Variants in RBMS3 observed in about 807,000 individuals in gnomAD.
RBMS3 encodes the protein RNA binding motif single stranded interacting protein 3.
Under a neutral mutation model 66.8 loss-of-function variants are expected in RBMS3, and 27 were observed. The ratio of observed to expected loss-of-function variants is 0.40; its 90% CI spans 0.30 to 0.56. RBMS3 has a LOEUF of 0.56. Among genes scored for constraint, RBMS3 ranks in the 20% least tolerant of loss-of-function variants. The pLI is 0.40. For synonymous variants in RBMS3, 188 were observed against 183.0 expected (o/e 1.03, Z -0.22); for missense variants, 513 against 549.5 (o/e 0.93, Z 0.66).
intron 10 of RBMS3, among the ~76,000 whole-genome samples, chr3:29,904,667 T>G (rs147208028): frequency 1.3e-5 from 2 of 152,162 alleles, no homozygotes; most frequent in African/African-American, 4.8e-5. Flanking sequence ...TATTTTCAAA[T>G]TGCCTTTTAG....
chr3:29,364,678 A>G (rs1041309500), intron 1 of RBMS3, among the ~76,000 whole-genome samples: 21 of 152,174 alleles, frequency 1.4e-4, no homozygotes, highest in African/African-American at 5.1e-4. Flanking sequence ...GGAGTAGCCC[A>G]ATCTCGGCAG....
At chr3:29,650,977 T>C (rs1007923419) in intron 4 of RBMS3, among the ~76,000 whole-genome samples, 3 of 152,344 alleles carry the variant, frequency 2.0e-5, no homozygotes, top group Admixed American at 6.5e-5. Context: ...CTTTATATGT[T>C]TCTATACCCC....
At chr3:29,496,307 A>C (rs1282968682) in intron 3 of RBMS3, among the ~76,000 whole-genome samples, 1 of 151,760 alleles carries the variant, frequency 6.6e-6, no homozygotes, top group African/African-American at 2.4e-5. Context: ...TTTTTTGTGA[A>C]TTTTACTCTA....
Position 29,670,204 on chromosome 3 carries a change from C to T in RBMS3, c.400-69516C>T, listed in dbSNP as rs114046894. Among the ~76,000 whole-genome samples, 1,349 of 152,280 alleles carry T rather than the reference C, an allele frequency of 8.9e-3. 19 individuals carry two copies. Among genetic ancestry groups the T allele is most frequent in the Middle Eastern group, 0.027 (8 of 294 alleles). On this transcript the variant is annotated intron_variant, in intron 4 of 14. Transcript: ENST00000383767. ...GGCGTTCTCCCAAAATTCATGTGTTCCTTCCCCCATCTATAAATCTGACCT... is the reference window on the plus strand; with the variant it reads ...GGCGTTCTCCCAAAATTCATGTGTTTCTTCCCCCATCTATAAATCTGACCT...
intron 1 of RBMS3, among the ~76,000 whole-genome samples, chr3:29,392,425 T>G (rs183714588): frequency 6.6e-6 from 1 of 152,210 alleles, no homozygotes; most frequent in Non-Finnish European, 1.5e-5. Flanking sequence ...GAGAGTAGAC[T>G]TTCTTTTTTT....
intron 6 of RBMS3, among the ~76,000 whole-genome samples, chr3:29,813,023 C>G (rs899097569): frequency 6.6e-6 from 1 of 151,896 alleles, no homozygotes; most frequent in Non-Finnish European, 1.5e-5. Context: ...GTATCATGAA[C>G]TTCTTTACAT....
intron 4 of RBMS3, among the ~76,000 whole-genome samples, chr3:29,677,198 A>G (rs61646181): frequency 0.11 from 17,348 of 152,130 alleles, 2,141 homozygotes; most frequent in African/African-American, 0.31. Context: ...CCTCCCACCA[A>G]GCCCCACCTC....
At chr3:29,762,065 T>A (rs1179770955) in intron 5 of RBMS3, among the ~76,000 whole-genome samples, 1 of 152,298 alleles carries the variant, frequency 6.6e-6, no homozygotes, top group East Asian at 1.9e-4. Context: ...TATGGTAACA[T>A]TGCCAAAATT....
At chr3:29,506,032 T>G (rs1394519273) in intron 3 of RBMS3, among the ~76,000 whole-genome samples, 2 of 151,932 alleles carry the variant, frequency 1.3e-5, no homozygotes, top group East Asian at 3.9e-4. Flanking sequence ...CAAGGATAAT[T>G]TAACTTCTTC....
intron 12 of RBMS3, among the ~76,000 whole-genome samples, chr3:29,977,887 C>A (rs955002189): frequency 6.6e-6 from 1 of 150,760 alleles, no homozygotes; most frequent in Non-Finnish European, 1.5e-5. Context: ...CAGATATTTT[C>A]TAGCTTTTGT....
chr3:29,589,288 G>T (rs766756577), intron 4 of RBMS3, among the ~76,000 whole-genome samples: 18 of 152,034 alleles, frequency 1.2e-4, no homozygotes, highest in Middle Eastern at 3.4e-3. Flanking sequence ...ATCTCACCTA[G>T]TCAGAAGGCT....
At chr3:29,395,961 A>G (rs2039527400) in intron 1 of RBMS3, among the ~76,000 whole-genome samples, 3 of 152,346 alleles carry the variant, frequency 2.0e-5, no homozygotes, top group Admixed American at 2.0e-4. Flanking sequence ...TTTGATGAGG[A>G]GCAAGATATT....
At chr3:29,333,342 G>A (rs2035771280) in intron 1 of RBMS3, among the ~76,000 whole-genome samples, 1 of 152,064 alleles carries the variant, frequency 6.6e-6, no homozygotes, top group Non-Finnish European at 1.5e-5. Flanking sequence ...AAGGGTTTAT[G>A]CCCAATTAGA....
Position 29,593,392 on chromosome 3 carries a change from T to G in RBMS3, c.399+6187T>G, listed in dbSNP as rs138332879. On this transcript the variant is annotated intron_variant, in intron 4 of 14. Coordinates refer to ENST00000383767, the MANE Select transcript of RBMS3 (RefSeq NM_001003793.3). Reference sequence around the variant, plus strand: ...AGGCTATTTGCTATTTATTGGTCACTACAGTGGGATGGAGCCTCCTGGTAA... The same window carrying G: ...AGGCTATTTGCTATTTATTGGTCACGACAGTGGGATGGAGCCTCCTGGTAA... Among the ~76,000 whole-genome samples the G allele has an allele frequency of 6.4e-4, 98 of 152,264 alleles. 1 individual carries two copies. Among genetic ancestry groups the G allele is most frequent in the African/African-American group, 2.3e-3 (96 of 41,566 alleles).
At chr3:30,001,770 CTTT>C (rs942920769) in intron 14 of RBMS3, among the ~76,000 whole-genome samples, 1 of 150,090 alleles carries the variant, frequency 6.7e-6, no homozygotes, top group Non-Finnish European at 1.5e-5. Context: ...CAAGTTATTT[CTTT>C]TTATTTTATT....
At chr3:29,711,367 T>C (rs2053160800) in intron 4 of RBMS3, among the ~76,000 whole-genome samples, 1 of 152,188 alleles carries the variant, frequency 6.6e-6, no homozygotes, top group Non-Finnish European at 1.5e-5. Flanking sequence ...ATTTTCTCCA[T>C]ATTCGTTGGC....
At chr3:29,481,764 G>T (rs1375361098) in intron 2 of RBMS3, among the ~76,000 whole-genome samples, 1 of 152,170 alleles carries the variant, frequency 6.6e-6, no homozygotes, top group Non-Finnish European at 1.5e-5. Context: ...TAGAAGCATT[G>T]AACGGGGACA....
intron 3 of RBMS3, among the ~76,000 whole-genome samples, chr3:29,566,335 C>G (rs2046740776): frequency 6.6e-6 from 1 of 152,044 alleles, no homozygotes; most frequent in African/African-American, 2.4e-5. Flanking sequence ...GTGAGTGCTC[C>G]AGTCAAAAGC....
chr3:29,587,485 T>G lies in RBMS3; in HGVS notation c.399+280T>G, dbSNP rs2149094547. Among the ~76,000 whole-genome samples, 2 of 151,898 alleles carry G rather than the reference T, an allele frequency of 1.3e-5. 1 individual carries two copies. The highest frequency in any genetic ancestry group is 6.8e-3 in the Middle Eastern group (2 of 294). On this transcript the variant is annotated intron_variant, in intron 4 of 14. Transcript: ENST00000383767. ...TTTGCCTATATTTATTATTGTATCT[T>G]TTGTTATGGTAACCTCATTAGAGAC...
Sources: allele counts gnomAD v4.1 joint callset (sites outside exome capture counted in the v4.1 genomes callset), GRCh38; gene constraint gnomAD v4.1.1; transcripts MANE v1.5; gene names NCBI Gene and HGNC (gene_info 2026-07-23, HGNC 2026-07-21).